NEBL: variants seen among roughly 807,000 people sequenced by gnomAD.
NEBL encodes nebulette, also known as LIM and SH3 protein 2.
In NEBL, 122 loss-of-function variants were observed where a neutral mutation model predicts 140.2. The observed-to-expected ratio is 0.87, with a 90% confidence interval of 0.75 to 1.01. NEBL has a LOEUF of 1.01. NEBL is among the 50% of genes least tolerant of loss of function. The probability of loss-of-function intolerance (pLI) is 0.00; values close to 1 mark genes in which losing one functional copy is unlikely to be tolerated. For synonymous variants in NEBL, 436 were observed against 398.9 expected, an observed-to-expected ratio of 1.09 and a Z score of -1.11; for missense variants, 1,365 against 1,231.3, an observed-to-expected ratio of 1.11 and a Z score of -1.62.
chr10:21,272,693 C>T (rs1267775060), intron 1 of NEBL, among the ~76,000 whole-genome samples: 2 of 152,094 alleles, frequency 1.3e-5, no homozygotes, highest in Non-Finnish European at 2.9e-5. Context: ...CTTTTTGCAT[C>T]TGTAAATTGA....
intron 3 of NEBL, among the ~76,000 whole-genome samples, chr10:21,191,979 G>A (rs1439269539): frequency 2.0e-5 from 3 of 152,154 alleles, no homozygotes; most frequent in Non-Finnish European, 4.4e-5. Context: ...CTTAGCAGGA[G>A]TATTAAAGGG....
Position 20,785,700 on chromosome 10 carries a change from A to T in NEBL, c.*47T>A. 6.3e-7 allele frequency: 1 copy of T among 1,583,830 alleles called. No individual in the cohort carries two copies. ...GTATCTTCTATCTTTTAAAAAGATT[A>T]GGTTTGGGATACATTAGAATAAAGC... On this transcript the variant is annotated 3_prime_UTR_variant, in exon 28 of 28. Transcript: ENST00000377122.
chr10:21,030,771 C>A, intron 2 of NEBL: 1 of 419,860 alleles, frequency 2.4e-6, no homozygotes, highest in Non-Finnish European at 4.7e-6. Context: ...AGGAGCATGA[C>A]TCCAGATCTG....
At chr10:21,277,212 T>TG (rs1043875351) in intron 1 of NEBL, among the ~76,000 whole-genome samples, 4 of 149,414 alleles carry the variant, frequency 2.7e-5, no homozygotes, top group African/African-American at 9.9e-5. Context: ...TTCTTTCTTT[T>TG]TTTTTTTTTT....
chr10:20,939,090 C>T (rs890111720), intron 4 of NEBL, among the ~76,000 whole-genome samples: 2 of 152,066 alleles, frequency 1.3e-5, no homozygotes, highest in Non-Finnish European at 2.9e-5. Context: ...ACAGAGAACA[C>T]CACAAAGATA....
intron 2 of NEBL, among the ~76,000 whole-genome samples, chr10:21,072,583 G>C (rs1303570659): frequency 3.3e-5 from 5 of 152,234 alleles, no homozygotes; most frequent in Non-Finnish European, 7.3e-5. Context: ...AAAAACAAAG[G>C]ACAGAGTGCG....
chr10:21,122,124 C>A (rs888768903), intron 2 of NEBL, among the ~76,000 whole-genome samples: 13 of 152,056 alleles, frequency 8.5e-5, no homozygotes, highest in Non-Finnish European at 1.8e-4. Flanking sequence ...CTCCCAGGTT[C>A]AAGCAATTAT....
chr10:21,279,945 T>C (rs750210490), intron 1 of NEBL, among the ~76,000 whole-genome samples: 2 of 152,068 alleles, frequency 1.3e-5, no homozygotes, highest in Non-Finnish European at 2.9e-5. Flanking sequence ...ATCTACTTCT[T>C]AGAAACAGAA....
At chr10:20,827,649 A>G (rs1199207813) in intron 17 of NEBL, among the ~76,000 whole-genome samples, 1 of 152,110 alleles carries the variant, frequency 6.6e-6, no homozygotes, top group Non-Finnish European at 1.5e-5. Context: ...ACTATTTACA[A>G]TAGGAAAGAC....
intron 3 of NEBL, among the ~76,000 whole-genome samples, chr10:21,192,058 A>G (rs1050760920): frequency 1.4e-4 from 22 of 152,192 alleles, no homozygotes; most frequent in Non-Finnish European, 3.2e-4. Context: ...AGTAGAGGGT[A>G]TCTTATGGGT....
intron 1 of NEBL, among the ~76,000 whole-genome samples, chr10:21,273,698 T>TGA (rs1842885177): frequency 6.6e-6 from 1 of 152,246 alleles, no homozygotes; most frequent in African/African-American, 2.4e-5. Flanking sequence ...CTTCTAGTCC[T>TGA]GCCCTCAGGG....
chr10:20,845,577 C>A (rs1429933908), intron 11 of NEBL: 1 of 503,998 alleles, frequency 2.0e-6, no homozygotes, highest in African/African-American at 1.9e-5. Flanking sequence ...TGGACTCTTC[C>A]TCTGGTAAAT....
In NEBL at chr10:20,833,390, A is replaced by C. The variant is rs751006984; in HGVS notation, c.1450-1807T>G. Among the ~76,000 whole-genome samples the C allele has an allele frequency of 5.9e-5, 9 of 151,938 alleles. 1 individual carries two copies. In the South Asian group the frequency reaches 6.2e-4, roughly 10 times the overall value. ...AAACTTTTGATATTAAAAATAAACT[A>C]TGGCAAAGTCCCGAACATTGGTTGA... On this transcript the variant is annotated intron_variant, in intron 14 of 27. Coordinates refer to ENST00000377122, the MANE Select transcript of NEBL (RefSeq NM_006393.3).
intron 24 of NEBL, among the ~76,000 whole-genome samples, chr10:20,811,786 C>T (rs748165836): frequency 6.6e-6 from 1 of 152,122 alleles, no homozygotes; most frequent in Non-Finnish European, 1.5e-5. Context: ...GTGGCATATA[C>T]CAAAAATATT....
chr10:20,845,613 C>T, intron 11 of NEBL: 1 of 416,724 alleles, frequency 2.4e-6, no homozygotes, highest in Non-Finnish European at 4.4e-6. Flanking sequence ...TTCCTAACAT[C>T]TTACTAGCCT....
chr10:20,821,594 C>T (rs577362253), intron 19 of NEBL, among the ~76,000 whole-genome samples: 1 of 152,202 alleles, frequency 6.6e-6, no homozygotes, highest in African/African-American at 2.4e-5. Context: ...TATATTTCTA[C>T]CATCAATTGA....
chr10:20,996,772 G>T (rs1837685043), intron 3 of NEBL, among the ~76,000 whole-genome samples: 2 of 152,106 alleles, frequency 1.3e-5, no homozygotes, highest in South Asian at 4.1e-4. Flanking sequence ...GGATATTTTT[G>T]ATATCCCTCA....
chr10:21,172,495 AC>A (rs776394847), intron 1 of NEBL: 44 of 1,564,260 alleles, frequency 2.8e-5, no homozygotes, highest in South Asian at 4.5e-5. Context: ...AAAAAAAAAA[AC>A]ATTTAAAAAT....
intron 5 of NEBL, among the ~76,000 whole-genome samples, chr10:20,875,687 C>A (rs1305150137): frequency 1.3e-5 from 2 of 152,052 alleles, no homozygotes; most frequent in East Asian, 1.9e-4. Flanking sequence ...AAGATTGAGA[C>A]AGCTCAGGAA....
Sources: allele counts gnomAD v4.1 joint callset (sites outside exome capture counted in the v4.1 genomes callset), GRCh38; gene constraint gnomAD v4.1.1; transcripts MANE v1.5; gene names NCBI Gene and HGNC (gene_info 2026-07-23, HGNC 2026-07-21).